Variants in EXOC6B observed in about 807,000 individuals in gnomAD.
The protein encoded by EXOC6B is SEC15 homolog B.
EXOC6B carries 54 observed loss-of-function variants against 113.5 expected under a neutral mutation model. That is an observed-to-expected ratio of 0.48 (90% confidence interval 0.38 to 0.60). EXOC6B has a LOEUF of 0.60. EXOC6B is among the 20% of genes least tolerant of loss of function. The pLI is 0.00. For synonymous variants in EXOC6B, 357 were observed against 339.0 expected (o/e 1.05, Z -0.58); for missense variants, 797 against 977.5 (o/e 0.82, Z 2.46).
chr2:72,631,194 ATATATATATATG>A (rs1672369220), intron 6 of EXOC6B, among the ~76,000 whole-genome samples: 1 of 27,272 alleles, frequency 3.7e-5, no homozygotes, highest in Non-Finnish European at 2.6e-4. Context: ...AAGTGTGCAT[ATATATATATATG>A]CATATGTGTA....
chr2:72,567,499 C>T (rs1184631070), intron 7 of EXOC6B, among the ~76,000 whole-genome samples: 6 of 151,934 alleles, frequency 3.9e-5, no homozygotes, highest in Non-Finnish European at 7.4e-5. Flanking sequence ...AGCTTTAACT[C>T]GTGATTTATT....
intron 20 of EXOC6B, among the ~76,000 whole-genome samples, chr2:72,300,714 C>T (rs1045138761): frequency 3.9e-5 from 6 of 152,200 alleles, no homozygotes; most frequent in Non-Finnish European, 7.3e-5. Flanking sequence ...AGTGCAGTAT[C>T]TGGCCGGAGT....
chr2:72,515,148 T>C lies in EXOC6B; in HGVS notation c.916-22A>G, dbSNP rs554316495. On this transcript the variant is annotated intron_variant, in intron 8 of 21. Coordinates refer to ENST00000272427, the MANE Select transcript of EXOC6B (RefSeq NM_015189.3). ...CACCCTGTAAATAAAGAAAAGAAAA[T>C]GGGTTGACACAATTGGACCAATTAC... 6.4e-6 allele frequency: 10 copies of C among 1,572,346 alleles called. No homozygotes were observed. In the African/African-American group the frequency reaches 6.7e-5, roughly 11 times the overall value.
At chr2:72,484,067 A>T (rs563536843) in intron 16 of EXOC6B, among the ~76,000 whole-genome samples, 2 of 152,032 alleles carry the variant, frequency 1.3e-5, no homozygotes, top group Non-Finnish European at 2.9e-5. Flanking sequence ...GAATTGGAAA[A>T]TTTTTCTGTC....
chr2:72,318,993 G>A (rs1235757895), intron 20 of EXOC6B, among the ~76,000 whole-genome samples: 1 of 151,204 alleles, frequency 6.6e-6, no homozygotes, highest in African/African-American at 2.4e-5. Flanking sequence ...ATTTAAATTG[G>A]TATAACCCTT....
intron 18 of EXOC6B, among the ~76,000 whole-genome samples, chr2:72,426,716 T>G (rs1216088922): frequency 6.6e-6 from 1 of 152,220 alleles, no homozygotes; most frequent in Non-Finnish European, 1.5e-5. Context: ...GTGCGCTTAT[T>G]TCCCAGTTAA....
chr2:72,296,642 C>T (rs1686153311), intron 20 of EXOC6B, among the ~76,000 whole-genome samples: 1 of 152,068 alleles, frequency 6.6e-6, no homozygotes, highest in African/African-American at 2.4e-5. Flanking sequence ...ATAGAGAAGA[C>T]ATGATCATAA....
At chr2:72,773,805 G>A (rs1229997703) in intron 1 of EXOC6B, among the ~76,000 whole-genome samples, 2 of 152,088 alleles carry the variant, frequency 1.3e-5, no homozygotes, top group African/African-American at 2.4e-5. Context: ...ATGGCAATGC[G>A]CAGTTTTGGT....
chr2:72,783,186 GT>G lies in EXOC6B; in HGVS notation c.114-41718del, dbSNP rs200092186. On this transcript the variant is annotated intron_variant, in intron 1 of 21. Coordinates refer to ENST00000272427, the MANE Select transcript of EXOC6B (RefSeq NM_015189.3). ...CCCTTTCCAATATCTGTTTGTTGGGGTTTTTTTTTTTTGTCTTTTTAATAAT... is the reference window on the plus strand; with the variant it reads ...CCCTTTCCAATATCTGTTTGTTGGGGTTTTTTTTTTTGTCTTTTTAATAAT... Among the ~76,000 whole-genome samples, 1,306 of 142,884 alleles carry G rather than the reference GT, an allele frequency of 9.1e-3. 10 individuals carry two copies. Among genetic ancestry groups the G allele is most frequent in the Middle Eastern group, 0.019 (5 of 260 alleles). 93.7% of individuals were successfully genotyped at this position (142,884 alleles called of 152,430 possible).
intron 1 of EXOC6B, among the ~76,000 whole-genome samples, chr2:72,786,691 A>T (rs1345371229): frequency 6.6e-6 from 1 of 152,198 alleles, no homozygotes; most frequent in Non-Finnish European, 1.5e-5. Flanking sequence ...AGTTTATGGC[A>T]ATAGTATGGA....
chr2:72,771,306 TTCAC>T (rs1232783247), intron 1 of EXOC6B, among the ~76,000 whole-genome samples: 1 of 152,170 alleles, frequency 6.6e-6, no homozygotes, highest in African/African-American at 2.4e-5. Context: ...TTATGCAGAG[TTCAC>T]TAATTTTTGC....
At chr2:72,228,542 T>G (rs1052711252) in intron 20 of EXOC6B, among the ~76,000 whole-genome samples, 3 of 152,058 alleles carry the variant, frequency 2.0e-5, no homozygotes, top group African/African-American at 7.2e-5. Flanking sequence ...TGCGATAGTT[T>G]GCTGAGAATG....
chr2:72,729,565 AGGT>A (rs1400394183), intron 5 of EXOC6B, among the ~76,000 whole-genome samples: 4 of 151,988 alleles, frequency 2.6e-5, no homozygotes, highest in African/African-American at 9.7e-5. Context: ...CTGGGATTAC[AGGT>A]GTGTACCACC....
At chr2:72,496,208 T>A (rs1700027078) in intron 14 of EXOC6B, among the ~76,000 whole-genome samples, 1 of 152,104 alleles carries the variant, frequency 6.6e-6, no homozygotes, top group African/African-American at 2.4e-5. Flanking sequence ...ACTTCAGAGG[T>A]AATAGGATCC....
chr2:72,384,602 T>C (rs572328284), intron 18 of EXOC6B, among the ~76,000 whole-genome samples: 1 of 152,174 alleles, frequency 6.6e-6, no homozygotes, highest in South Asian at 2.1e-4. Context: ...AAAATATATA[T>C]GATCTTATAT....
At chr2:72,408,942 G>C (rs1174352483) in intron 18 of EXOC6B, among the ~76,000 whole-genome samples, 2 of 152,014 alleles carry the variant, frequency 1.3e-5, no homozygotes, top group Non-Finnish European at 2.9e-5. Context: ...CTACAAAATG[G>C]GAGAAAATTT....
chr2:72,459,394 A>T (rs929030554), intron 18 of EXOC6B, among the ~76,000 whole-genome samples: 3 of 152,216 alleles, frequency 2.0e-5, no homozygotes, highest in Non-Finnish European at 4.4e-5. Flanking sequence ...GTATTCAATT[A>T]GGAAAAGAGG....
In EXOC6B at chr2:72,379,785, C is replaced by G; in HGVS notation, c.2066G>C (p.Arg689Pro). ...LMQLLLEAEV[R>P]QLTLGALQQF... Reference sequence around the variant, plus strand: ...CTGTAATGCTCCCAAGGTGAGCTGCCGCACTTCAGCTTCCAACAAAAGTTG... The same window carrying G: ...CTGTAATGCTCCCAAGGTGAGCTGCGGCACTTCAGCTTCCAACAAAAGTTG... The change falls in exon 19 of 22, where the codon CGG (arginine) becomes CCG (proline). Residue 689 changes from arginine to proline, a missense_variant. Arg to Pro is a moderately radical substitution (Grantham distance 103). Transcript: ENST00000272427. 6.2e-7 allele frequency: 1 copy of G among 1,613,328 alleles called. No homozygotes were observed. The highest frequency in any genetic ancestry group is 2.2e-5 in the East Asian group (1 of 44,822).
At chr2:72,557,402 C>A (rs1213773533) in intron 8 of EXOC6B, among the ~76,000 whole-genome samples, 1 of 147,844 alleles carries the variant, frequency 6.8e-6, no homozygotes, top group Non-Finnish European at 1.5e-5. Flanking sequence ...GTTTTAGATG[C>A]CTTGATACAA....
Sources: gnomAD v4.1 joint callset for allele counts (sites outside exome capture counted in the v4.1 genomes callset) on GRCh38, gnomAD v4.1.1 for gene constraint, MANE v1.5 for transcripts, NCBI Gene and HGNC (gene_info 2026-07-23, HGNC 2026-07-21) for gene names.